The following INO80C variants were observed in gnomAD, a reference collection of about 807,000 sequenced individuals.
INO80C encodes INO80 complex subunit C, also known as IES6 homolog.
A neutral mutation model predicts 17.7 loss-of-function variants in INO80C; 17 were observed. The observed-to-expected ratio is 0.96, with a 90% CI of 0.66 to 1.44. The LOEUF (loss-of-function observed/expected upper bound fraction) is 1.44. Among genes scored for constraint, INO80C ranks in the 40% most tolerant of loss-of-function variants. The pLI, the probability that INO80C is intolerant of heterozygous loss-of-function variation, is 0.00. For synonymous variants in INO80C, 96 were observed against 95.8 expected, an observed-to-expected ratio of 1.00 and a Z score of -0.01; for missense variants, 244 against 245.0, an observed-to-expected ratio of 1.00 and a Z score of 0.03.
At chr18:35,485,903 C>A (rs998660807) in intron 1 of INO80C, among the ~76,000 whole-genome samples, 1 of 152,184 alleles carries the variant, frequency 6.6e-6, no homozygotes, top group Non-Finnish European at 1.5e-5. Flanking sequence ...GGCAGGAGGA[C>A]TGCTTGAGGC....
intron 4 of INO80C, among the ~76,000 whole-genome samples, chr18:35,477,276 C>T (rs2045748625): frequency 6.6e-6 from 1 of 152,018 alleles, no homozygotes; most frequent in Non-Finnish European, 1.5e-5. Context: ...AAAGATATAC[C>T]ATCCACACAT....
chr18:35,493,651 C>T (rs1367205803), intron 1 of INO80C, among the ~76,000 whole-genome samples: 1 of 152,176 alleles, frequency 6.6e-6, no homozygotes, highest in Non-Finnish European at 1.5e-5. Flanking sequence ...ATCTAAATTT[C>T]TAAACTTCTT....
At chr18:35,470,063 T>C (rs2045650970) in intron 4 of INO80C, among the ~76,000 whole-genome samples, 1 of 152,206 alleles carries the variant, frequency 6.6e-6, no homozygotes, top group South Asian at 2.1e-4. Context: ...AAAAAAATTA[T>C]AAAAGATGCC....
At chr18:35,489,047 T>A in intron 1 of INO80C, 1 of 169,676 alleles carries the variant, frequency 5.9e-6, no homozygotes, top group Non-Finnish European at 1.2e-5. Context: ...CTGGATTTCA[T>A]TGTCCATATC....
At chr18:35,494,309 A>G (rs983307035) in intron 1 of INO80C, among the ~76,000 whole-genome samples, 1 of 152,242 alleles carries the variant, frequency 6.6e-6, no homozygotes, top group Non-Finnish European at 1.5e-5. Flanking sequence ...GAGTTATTCA[A>G]GCAGACACTA....
At chr18:35,483,746 C>T (rs2045842097) in intron 1 of INO80C, 1 of 152,092 alleles carries the variant, frequency 6.6e-6, no homozygotes. Context: ...AGTGGCCAAA[C>T]ACACAGGAAG....
At chr18:35,486,527 C>CAGTAATTCACTGAGT (rs1403194351) in intron 1 of INO80C, among the ~76,000 whole-genome samples, 1 of 152,072 alleles carries the variant, frequency 6.6e-6, no homozygotes, top group African/African-American at 2.4e-5. Context: ...AATTATATCT[C>CAGTAATTCACTGAGT]AGTAAAGCTA....
At chr18:35,497,230 A>G (rs1195064509) in intron 1 of INO80C, 1 of 572,046 alleles carries the variant, frequency 1.7e-6, no homozygotes, top group African/African-American at 2.0e-5. Flanking sequence ...TTAAGACCAA[A>G]CCTGCCTTTG....
intron 1 of INO80C, among the ~76,000 whole-genome samples, chr18:35,484,971 G>C (rs1239714095): frequency 1.3e-5 from 2 of 152,118 alleles, no homozygotes; most frequent in Admixed American, 1.3e-4. Context: ...ATTTTCTCCA[G>C]TTCTGGAGGC....
At chr18:35,479,787 C>T (rs1364653589) in intron 2 of INO80C, among the ~76,000 whole-genome samples, 2 of 151,944 alleles carry the variant, frequency 1.3e-5, no homozygotes, top group Admixed American at 1.3e-4. Context: ...CTGCATCTCT[C>T]AACTCCCTTC....
chr18:35,497,740 C>T lies in INO80C; in HGVS notation c.135G>A (p.Ala45=), dbSNP rs769614200. 124 of 1,612,488 alleles carry T rather than the reference C, an allele frequency of 7.7e-5. No homozygotes were observed. The highest frequency in any genetic ancestry group is 9.9e-5 in the Non-Finnish European group (117 of 1,179,472). Residue 45 remains alanine (A), a synonymous_variant, in exon 1 of 5, where the codon GCG becomes GCA. Transcript: ENST00000334598. ...GGYGASKKKK[A]SASSFAQGIS... is the part of the protein sequence containing the mutation. ...GTACCTGCGCAAAGCTGGAAGCGGA[C>T]GCTTTTTTCTTCTTACTGGCGCCAT... is the stretch of plus-strand genomic sequence containing the variant.
rs1403765679 is a variant in INO80C at position 35,468,386 on chromosome 18, G to A, written c.*225C>T. On this transcript the variant is annotated 3_prime_UTR_variant, in exon 5 of 5. Transcript: ENST00000334598. ...TTCTTGTCAAACACCTTTACTTGAG[G>A]CAACAACTGAAGTATAATTTAATTC... The A allele has an allele frequency of 5.1e-6, 7 of 1,367,566 alleles. No individual in the cohort carries two copies. Among genetic ancestry groups the A allele is most frequent in the Non-Finnish European group, 6.6e-6 (7 of 1,058,892 alleles). The allele number at this position is 1,367,566 out of a possible 1,614,324, so 84.7% of individuals were successfully genotyped here. A position where few individuals can be genotyped will look rare whatever the true frequency, so the allele number is the denominator to read the frequency against.
intron 1 of INO80C, among the ~76,000 whole-genome samples, chr18:35,483,067 T>C (rs924876788): frequency 4.6e-5 from 7 of 152,260 alleles, no homozygotes; most frequent in African/African-American, 1.2e-4. Flanking sequence ...CCATTTTCTA[T>C]ACAGCAAAAA....
chr18:35,471,967 G>C (rs1375653085), intron 4 of INO80C, among the ~76,000 whole-genome samples: 2 of 152,194 alleles, frequency 1.3e-5, no homozygotes, highest in African/African-American at 4.8e-5. Context: ...ATTCCATGGT[G>C]TATATGTGCC....
chr18:35,491,436 G>A (rs11872771), intron 1 of INO80C, among the ~76,000 whole-genome samples: 117,629 of 152,084 alleles, frequency 0.77, 45,923 homozygotes, highest in East Asian at 0.98. Context: ...CCAGACCCCC[G>A]CTGGGAAGTC....
chr18:35,472,889 T>G (rs886330617), intron 4 of INO80C, among the ~76,000 whole-genome samples: 1 of 152,256 alleles, frequency 6.6e-6, no homozygotes, highest in African/African-American at 2.4e-5. Flanking sequence ...ATATCCTTTT[T>G]GCTGATTCTT....
chr18:35,472,361 G>A lies in INO80C; in HGVS notation c.448-3619C>T, dbSNP rs549332837. Among the ~76,000 whole-genome samples the A allele has an allele frequency of 2.6e-3, 395 of 152,300 alleles. 3 individuals carry two copies. The highest frequency in any genetic ancestry group is 8.5e-3 in the African/African-American group (353 of 41,568). On this transcript the variant is annotated intron_variant, in intron 4 of 4. Transcript: ENST00000334598. ...CATTTCTCTGATGGCCAGTGATGAT[G>A]AGCATTTTTTCATGTGTTTTTTGGC... is the stretch of plus-strand genomic sequence containing the variant.
intron 1 of INO80C, among the ~76,000 whole-genome samples, chr18:35,493,093 G>C (rs2045947949): frequency 6.6e-6 from 1 of 152,128 alleles, no homozygotes; most frequent in African/African-American, 2.4e-5. Context: ...GTGTGAGCTT[G>C]GGCAAGTTAC....
chr18:35,476,812 G>GTT (rs909519255), intron 4 of INO80C, among the ~76,000 whole-genome samples: 2 of 152,090 alleles, frequency 1.3e-5, no homozygotes, highest in African/African-American at 4.8e-5. Flanking sequence ...GCTTCAGTGA[G>GTT]TTATGATCAC....
Sources: allele counts gnomAD v4.1 joint callset (sites outside exome capture counted in the v4.1 genomes callset), GRCh38; gene constraint gnomAD v4.1.1; transcripts MANE v1.5; gene names NCBI Gene and HGNC (gene_info 2026-07-23, HGNC 2026-07-21).